The following SLC14A2 variants were observed in gnomAD, a reference collection of about 807,000 sequenced individuals.
SLC14A2 encodes solute carrier family 14 member 2.
Under a neutral mutation model 104.6 loss-of-function variants are expected in SLC14A2, and 91 were observed. The ratio of observed to expected loss-of-function variants is 0.87; its 90% CI spans 0.73 to 1.04. SLC14A2 has a LOEUF of 1.04. SLC14A2 is among the 50% of genes least tolerant of loss of function. The pLI, the probability that SLC14A2 is intolerant of heterozygous loss-of-function variation, is 0.00. For missense variants in SLC14A2, 1,189 were observed against 1,156.0 expected, an observed-to-expected ratio of 1.03 and a Z score of -0.41; for synonymous variants, 476 against 466.4, an observed-to-expected ratio of 1.02 and a Z score of -0.27.
intron 1 of SLC14A2, among the ~76,000 whole-genome samples, chr18:45,387,415 T>C (rs1487460864): frequency 6.6e-6 from 1 of 152,130 alleles, no homozygotes; most frequent in Non-Finnish European, 1.5e-5. Flanking sequence ...GAAACAGATA[T>C]TTATGAGAAT....
At chr18:45,569,907 T>TAATC (rs1044528206) in intron 2 of SLC14A2, among the ~76,000 whole-genome samples, 4 of 152,174 alleles carry the variant, frequency 2.6e-5, no homozygotes, top group Non-Finnish European at 5.9e-5. Flanking sequence ...CCTTCATTCT[T>TAATC]AATCAAGAGA....
intron 1 of SLC14A2, among the ~76,000 whole-genome samples, chr18:45,396,631 T>G (rs1313073382): frequency 9.0e-5 from 13 of 144,444 alleles, no homozygotes; most frequent in Middle Eastern, 3.4e-3. Flanking sequence ...TTTTTTGTTT[T>G]TGTTTTTTTT....
intron 1 of SLC14A2, among the ~76,000 whole-genome samples, chr18:45,349,554 G>T (rs1056034562): frequency 6.6e-6 from 1 of 152,182 alleles, no homozygotes; most frequent in Non-Finnish European, 1.5e-5. Context: ...ACACAGCAAA[G>T]GTCAAGCAAG....
chr18:45,598,808 T>C (rs1196487430), intron 2 of SLC14A2, among the ~76,000 whole-genome samples: 2 of 152,228 alleles, frequency 1.3e-5, no homozygotes, highest in Non-Finnish European at 2.9e-5. Flanking sequence ...TCTTTCCTTA[T>C]CTTTCTAAGG....
At chr18:45,570,924 A>G (rs765190545) in intron 2 of SLC14A2, among the ~76,000 whole-genome samples, 1 of 152,260 alleles carries the variant, frequency 6.6e-6, no homozygotes, top group African/African-American at 2.4e-5. Flanking sequence ...AAGTGCTTAC[A>G]GTAGTGCCAT....
the SLC14A2 span, among the ~76,000 whole-genome samples, chr18:45,170,129 T>C: frequency 5.3e-5 from 8 of 152,190 alleles, no homozygotes; most frequent in Admixed American, 6.6e-5. Context: ...GGGGTCACTT[T>C]TGAGTCGTGG....
intron 2 of SLC14A2, among the ~76,000 whole-genome samples, chr18:45,510,731 T>C (rs534485683): frequency 2.0e-5 from 3 of 151,232 alleles, no homozygotes; most frequent in Non-Finnish European, 4.4e-5. Flanking sequence ...GATCCCGTCA[T>C]TGAGAGAACT....
At chr18:45,241,161 C>G (rs2084311703) in intron 1 of SLC14A2, among the ~76,000 whole-genome samples, 2 of 152,218 alleles carry the variant, frequency 1.3e-5, no homozygotes, top group Non-Finnish European at 2.9e-5. Context: ...GCAATAGAGA[C>G]AGCAGCCCTT....
At position 45,667,076 on chromosome 18, in the gene SLC14A2, T is replaced by G; in HGVS notation, c.1699T>G (p.Cys567Gly). Reference sequence around the variant, plus strand: ...CTACATCACAGGAGAGATGAAGGAGTGTGGAGAGGGACTTAAAGGTAAAAT... The same window carrying G: ...CTACATCACAGGAGAGATGAAGGAGGGTGGAGAGGGACTTAAAGGTAAAAT... Reference protein sequence around the residue: ...LSYITGEMKECGEGLKDKSPV... With the variant: ...LSYITGEMKEGGEGLKDKSPV... Residue 567 changes from cysteine to glycine, a missense_variant, in exon 13 of 20, where the codon TGT becomes GGT. Transcript: ENST00000255226. The G allele has an allele frequency of 1.2e-6, 2 of 1,612,838 alleles. No individual in the cohort carries two copies. The highest frequency in any genetic ancestry group is 1.7e-6 in the Non-Finnish European group (2 of 1,179,496).
At chr18:45,676,709 A>ATGGAGC (rs372178261) in intron 18 of SLC14A2, among the ~76,000 whole-genome samples, 301 of 152,338 alleles carry the variant, frequency 2.0e-3, no homozygotes, top group African/African-American at 6.9e-3. Flanking sequence ...CAAAGTGTCC[A>ATGGAGC]TGGAGCTGGA....
At chr18:45,676,132 C>T (rs975603037) in intron 18 of SLC14A2, among the ~76,000 whole-genome samples, 4 of 152,130 alleles carry the variant, frequency 2.6e-5, no homozygotes, top group African/African-American at 4.8e-5. Context: ...TAAAATCAGT[C>T]GTCATTTATA....
At chr18:45,286,091 A>G (rs570191272) in intron 1 of SLC14A2, among the ~76,000 whole-genome samples, 2 of 152,304 alleles carry the variant, frequency 1.3e-5, no homozygotes, top group South Asian at 2.1e-4. Context: ...GGAGCTGAAT[A>G]CTGATCTGAG....
At chr18:45,601,143 G>A (rs1173205423) in intron 2 of SLC14A2, among the ~76,000 whole-genome samples, 1 of 152,174 alleles carries the variant, frequency 6.6e-6, no homozygotes, top group Non-Finnish European at 1.5e-5. Flanking sequence ...TGCACCACAT[G>A]GTATGGTGGA....
At chr18:45,386,940 A>G (rs2085903747) in intron 1 of SLC14A2, among the ~76,000 whole-genome samples, 1 of 152,204 alleles carries the variant, frequency 6.6e-6, no homozygotes, top group African/African-American at 2.4e-5. Flanking sequence ...TATTAGAATA[A>G]TTGTGATTCA....
intron 1 of SLC14A2, among the ~76,000 whole-genome samples, chr18:45,234,218 G>A (rs995178723): frequency 1.3e-5 from 2 of 152,176 alleles, no homozygotes; most frequent in East Asian, 3.9e-4. Context: ...TGGAGCTTTG[G>A]CTACCAAAGA....
chr18:45,232,709 T>C (rs563029589), intron 1 of SLC14A2, among the ~76,000 whole-genome samples: 1 of 152,348 alleles, frequency 6.6e-6, no homozygotes, highest in East Asian at 1.9e-4. Context: ...AATAAATCTG[T>C]CATAAGTTCA....
intron 1 of SLC14A2, among the ~76,000 whole-genome samples, chr18:45,334,338 T>C (rs1331799067): frequency 2.6e-5 from 4 of 152,220 alleles, no homozygotes; most frequent in African/African-American, 9.6e-5. Context: ...GAGGAAGCAC[T>C]GGAGACATTG....
At chr18:45,402,820 T>G (rs2086111212) in intron 1 of SLC14A2, among the ~76,000 whole-genome samples, 1 of 152,220 alleles carries the variant, frequency 6.6e-6, no homozygotes. Context: ...TAGCAAGACT[T>G]AATCATCTTA....
intron 5 of SLC14A2, among the ~76,000 whole-genome samples, chr18:45,636,583 T>C (rs929975008): frequency 6.6e-6 from 1 of 152,222 alleles, no homozygotes; most frequent in Non-Finnish European, 1.5e-5. Context: ...TTCTAAAATG[T>C]TATCAGAGCC....
Sources: gnomAD v4.1 joint callset for allele counts (sites outside exome capture counted in the v4.1 genomes callset) on GRCh38, gnomAD v4.1.1 for gene constraint, MANE v1.5 for transcripts, NCBI Gene and HGNC (gene_info 2026-07-23, HGNC 2026-07-21) for gene names.